GLYR1: variants seen among roughly 807,000 people sequenced by gnomAD.
The protein encoded by GLYR1 is cytokine-like nuclear factor N-PAC.
Under a neutral mutation model 72.7 loss-of-function variants are expected in GLYR1, and 21 were observed. The observed-to-expected ratio is 0.29, with a 90% CI of 0.20 to 0.42. The LOEUF is 0.42. Ranked by LOEUF, GLYR1 falls within the 10% of genes least tolerant of loss-of-function variation. The pLI is 1.00. For synonymous variants in GLYR1, 392 were observed against 270.2 expected, an observed-to-expected ratio of 1.45 and a Z score of -4.42; for missense variants, 594 against 712.1, an observed-to-expected ratio of 0.83 and a Z score of 1.89.
intron 10 of GLYR1, among the ~76,000 whole-genome samples, chr16:4,816,947 ATTTT>A (rs35180458): frequency 7.2e-6 from 1 of 139,186 alleles, no homozygotes. Context: ...AGATTGTGCC[ATTTT>A]TTTTTTTTTT....
At chr16:4,841,457 CA>C (rs1160441336) in intron 3 of GLYR1, among the ~76,000 whole-genome samples, 26 of 31,934 alleles carry the variant, frequency 8.1e-4, no homozygotes, top group East Asian at 2.7e-3. Context: ...CTTGTCTCTA[CA>C]AAAAAAAAAA....
At chr16:4,814,044 T>C (rs2083476682) in intron 11 of GLYR1, 1 of 437,702 alleles carries the variant, frequency 2.3e-6, no homozygotes, top group Non-Finnish European at 4.0e-6. Context: ...TCTATGTGAG[T>C]GTGTGCATTT....
intron 11 of GLYR1, among the ~76,000 whole-genome samples, chr16:4,814,277 CAAG>C (rs1281422975): frequency 2.0e-5 from 3 of 152,212 alleles, no homozygotes; most frequent in Admixed American, 2.0e-4. Flanking sequence ...TCTAGTTCAA[CAAG>C]AACACATGAA....
chr16:4,808,699 T>A (rs915897644), intron 15 of GLYR1, among the ~76,000 whole-genome samples: 4 of 151,844 alleles, frequency 2.6e-5, no homozygotes, highest in Admixed American at 1.3e-4. Flanking sequence ...TCATTTTTAT[T>A]ATAATAATAT....
intron 11 of GLYR1, among the ~76,000 whole-genome samples, chr16:4,814,241 C>T (rs1022778033): frequency 3.5e-4 from 53 of 152,268 alleles, no homozygotes; most frequent in African/African-American, 1.2e-3. Context: ...GGCACCTGGA[C>T]CAAAGGCACA....
chr16:4,823,887 A>G lies in GLYR1; in HGVS notation c.558T>C (p.Ser186=), dbSNP rs374694605. ...KDEKDLTIPE[S]STVKGMMAGP... is the part of the protein sequence containing the mutation. ...CGGCCATCATCCCCTTCACGGTACT[A>G]GACTCCGGGATGGTGAGATCCTATA... Residue 186 remains serine (S), a synonymous_variant, in exon 6 of 16, where the codon TCT becomes TCC. Coordinates refer to ENST00000321919, the MANE Select transcript of GLYR1 (RefSeq NM_032569.4). 2.5e-6 allele frequency: 4 copies of G among 1,613,918 alleles called. No individual in the cohort carries two copies. The highest frequency in any genetic ancestry group is 2.2e-5 in the South Asian group (2 of 91,066).
intron 12 of GLYR1, among the ~76,000 whole-genome samples, 199 bp downstream of exon 12, chr16:4,813,538 G>C (rs1156888977): frequency 6.6e-6 from 1 of 152,230 alleles, no homozygotes; most frequent in African/African-American, 2.4e-5. Context: ...TCCCAGCCAT[G>C]CAGCGACTGC....
chr16:4,809,767 T>C (rs1441333427), intron 15 of GLYR1, among the ~76,000 whole-genome samples: 1 of 151,376 alleles, frequency 6.6e-6, no homozygotes, highest in East Asian at 2.0e-4. Flanking sequence ...CTACTAAAAA[T>C]ACAAAAATCA....
At chr16:4,810,699 TAAAAAAAAAAAAAAAAAAA>T (rs551202037) in intron 15 of GLYR1, among the ~76,000 whole-genome samples, 3 of 21,814 alleles carry the variant, frequency 1.4e-4, no homozygotes, top group Admixed American at 1.4e-3. Context: ...CTGTCTCTAC[TAAAAAAAAAAAAAAAAAAA>T]AAAAAAAAAA....
intron 9 of GLYR1, among the ~76,000 whole-genome samples, chr16:4,820,419 T>C (rs566373757): frequency 1.3e-5 from 2 of 152,340 alleles, no homozygotes; most frequent in African/African-American, 4.8e-5. Flanking sequence ...TCATACTCTT[T>C]TATTAAAAGT....
At chr16:4,844,615 G>C (rs1011359322) in intron 3 of GLYR1, among the ~76,000 whole-genome samples, 1 of 152,144 alleles carries the variant, frequency 6.6e-6, no homozygotes, top group African/African-American at 2.4e-5. Context: ...CAAAAAATTA[G>C]CTGGGCATGG....
intron 15 of GLYR1, among the ~76,000 whole-genome samples, chr16:4,808,109 G>A (rs1393920607): frequency 1.3e-5 from 2 of 152,046 alleles, no homozygotes; most frequent in Non-Finnish European, 2.9e-5. Context: ...GGCGGTGCAT[G>A]CCTGCGGTTC....
chr16:4,807,384 A>AT (rs918185734), intron 15 of GLYR1, among the ~76,000 whole-genome samples: 1 of 152,146 alleles, frequency 6.6e-6, no homozygotes, highest in Non-Finnish European at 1.5e-5. Flanking sequence ...AAGTGTTGAG[A>AT]TTATAGGTGT....
chr16:4,833,113 G>T (rs971779076), intron 3 of GLYR1: 2 of 437,434 alleles, frequency 4.6e-6, no homozygotes, highest in Admixed American at 4.4e-5. Context: ...AAGTCAAGCA[G>T]AACAACCATC....
At chr16:4,805,625 G>A (rs1450339369) in intron 15 of GLYR1, among the ~76,000 whole-genome samples, 2 of 152,228 alleles carry the variant, frequency 1.3e-5, no homozygotes, top group Non-Finnish European at 2.9e-5. Context: ...TGGATCACCT[G>A]AAGTCAGGAG....
chr16:4,847,229 A>C lies in GLYR1; in HGVS notation c.37T>G (p.Trp13Gly). The change falls in exon 1 of 16, where the codon TGG (tryptophan) becomes GGG (glycine). Residue 13 changes from tryptophan to glycine, a missense_variant and splice_region_variant. This residue lies in a region of GLYR1 where 62 missense variants were observed against 82.5 expected (regional missense o/e 0.75). Coordinates refer to ENST00000321919, the MANE Select transcript of GLYR1 (RefSeq NM_032569.4). ...AVSLRLGDLV[W>G]GKLGRYPPWP... ...GTTGGCCCGGCCGCTCGGACTCACC[A>C]CACCAAGTCGCCGAGCCGCAGACTC... The C allele has an allele frequency of 6.2e-7, 1 of 1,606,640 alleles. No homozygotes were observed. The highest frequency in any genetic ancestry group is 8.5e-7 in the Non-Finnish European group (1 of 1,177,876).
intron 3 of GLYR1, among the ~76,000 whole-genome samples, chr16:4,834,591 G>A (rs1045357002): frequency 3.3e-5 from 5 of 151,974 alleles, no homozygotes; most frequent in African/African-American, 9.7e-5. Flanking sequence ...TCTATCTCCC[G>A]AGTTGCTGGG....
intron 9 of GLYR1, chr16:4,821,174 G>A: frequency 1.6e-6 from 1 of 606,396 alleles, no homozygotes; most frequent in East Asian, 2.8e-5. Flanking sequence ...AAATCCCTCA[G>A]CTTATGCCCA....
rs1016294136 is a variant in GLYR1, at chr16:4,817,539, C to T, written c.906+59G>A. Reference sequence around the variant, plus strand: ...CGCTGAGACAACAGGGGGAGATGTCCACTCTTAGGGTTACCCCAGACTCCA... The same window carrying T: ...CGCTGAGACAACAGGGGGAGATGTCTACTCTTAGGGTTACCCCAGACTCCA... On this transcript the variant is annotated intron_variant, in intron 10 of 15. Transcript: ENST00000321919. 15 of 989,454 alleles carry T rather than the reference C, an allele frequency of 1.5e-5. No individual in the cohort carries two copies. In the African/African-American group the frequency reaches 2.4e-4, roughly 16 times the overall value. 61.3% of individuals were successfully genotyped at this position (989,454 alleles called of 1,614,324 possible). A position where few individuals can be genotyped will look rare whatever the true frequency, so the allele number is the denominator to read the frequency against.
Sources: gnomAD v4.1 joint callset for allele counts (sites outside exome capture counted in the v4.1 genomes callset) on GRCh38, gnomAD v4.1.1 for gene constraint, gnomAD v4.1.1 regional missense constraint, MANE v1.5 for transcripts, NCBI Gene and HGNC (gene_info 2026-07-23, HGNC 2026-07-21) for gene names.